The following MMUT variants were observed in gnomAD, a reference collection of about 807,000 sequenced individuals.
MMUT encodes the protein methylmalonyl-CoA mutase, mitochondrial.
A neutral mutation model predicts 79.9 loss-of-function variants in MMUT; 79 were observed. The ratio of observed to expected loss-of-function variants is 0.99; its 90% CI spans 0.82 to 1.19. The LOEUF (loss-of-function observed/expected upper bound fraction) is 1.19, where lower values mean the gene tolerates loss of function less well. Ranked by LOEUF, MMUT falls within the 50% of genes most tolerant of loss-of-function variation. The pLI, the probability that MMUT is intolerant of heterozygous loss-of-function variation, is 0.00. For missense variants in MMUT, 860 were observed against 917.2 expected (o/e 0.94, Z 0.81); for synonymous variants, 273 against 295.7 (o/e 0.92, Z 0.79).
chr6:49,459,066 T>A lies in MMUT; in HGVS notation c.385+16A>T. The A allele has an allele frequency of 6.2e-7, 1 of 1,611,238 alleles. No homozygotes were observed. Among genetic ancestry groups the A allele is most frequent in the East Asian group, 2.2e-5 (1 of 44,864 alleles). ...ATGACTTATCATAAATATTATGTCTTACATTAAAATCTCACCCTTAATGTT... is the reference window on the plus strand; with the variant it reads ...ATGACTTATCATAAATATTATGTCTAACATTAAAATCTCACCCTTAATGTT... On this transcript the variant is annotated intron_variant, in intron 2 of 12. Coordinates refer to ENST00000274813, the MANE Select transcript of MMUT (RefSeq NM_000255.4).
intron 4 of MMUT, 152 bp from the exon 5 acceptor site, chr6:49,453,908 G>A: frequency 1.5e-6 from 1 of 645,196 alleles, no homozygotes; most frequent in Non-Finnish European, 2.5e-6. Flanking sequence ...GTACATTTAT[G>A]TAACTTTAAA....
chr6:49,441,682 T>G (rs1055721759), intron 10 of MMUT, among the ~76,000 whole-genome samples, 158 bp downstream of exon 10: 2 of 148,756 alleles, frequency 1.3e-5, no homozygotes, highest in African/African-American at 4.9e-5. Flanking sequence ...TATTATATGT[T>G]ATATAGTCTA....
At chr6:49,441,106 T>A (rs989932325) in intron 10 of MMUT, among the ~76,000 whole-genome samples, 4 of 152,204 alleles carry the variant, frequency 2.6e-5, no homozygotes, top group African/African-American at 9.6e-5. Flanking sequence ...TTGATATTTA[T>A]CTAGTGTACA....
intron 7 of MMUT, among the ~76,000 whole-genome samples, chr6:49,448,338 T>G (rs139780959): frequency 3.7e-3 from 557 of 152,220 alleles, no homozygotes; most frequent in African/African-American, 0.013. Flanking sequence ...GCACTTATCA[T>G]GATCTATAAT....
At chr6:49,439,972 C>A (rs991346517) in intron 11 of MMUT, among the ~76,000 whole-genome samples, 2 of 152,180 alleles carry the variant, frequency 1.3e-5, no homozygotes, top group Non-Finnish European at 2.9e-5. Flanking sequence ...AGTTAATAAA[C>A]CCCTGCAGTA....
rs755553945 is a variant in MMUT at position 49,448,850 on chromosome 6, T to C, written c.1410A>G (p.Glu470=). ...TTCTAGCTTGTCTTCGGGCAGCACATTCTTCAATTCGAAGTTTAGGTATTC... is the reference window on the plus strand; with the variant it reads ...TTCTAGCTTGTCTTCGGGCAGCACACTCTTCAATTCGAAGTTTAGGTATTC... ...AEGIPKLRIE[E]CAARRQARID... The change falls in exon 7 of 13, where the codon GAA becomes GAG. Residue 470 remains glutamate, a synonymous_variant. Coordinates refer to ENST00000274813, the MANE Select transcript of MMUT (RefSeq NM_000255.4). 5.0e-6 allele frequency: 8 copies of C among 1,613,510 alleles called. No homozygotes were observed. The Admixed American group carries it at 5.0e-5, about 10-fold the overall frequency.
chr6:49,457,574 C>T, intron 3 of MMUT, 117 bp downstream of exon 3: 1 of 909,588 alleles, frequency 1.1e-6, no homozygotes, highest in Non-Finnish European at 1.6e-6. Flanking sequence ...GTAACAATAA[C>T]AAAACATTCT....
intron 4 of MMUT, among the ~76,000 whole-genome samples, chr6:49,454,133 T>C (rs1767629099): frequency 6.6e-6 from 1 of 152,228 alleles, no homozygotes; most frequent in South Asian, 2.1e-4. Context: ...ATTTGCTTTG[T>C]TTAGCCAGAA....
At chr6:49,440,391 T>C (rs1288299677) in intron 10 of MMUT, 38 bp from the exon 11 acceptor site, 2 of 1,598,562 alleles carry the variant, frequency 1.3e-6, no homozygotes, top group South Asian at 1.1e-5. Flanking sequence ...AGTTAGATAC[T>C]AATTTTCCAA....
intron 3 of MMUT, among the ~76,000 whole-genome samples, chr6:49,456,983 C>T (rs1257434633): frequency 6.6e-6 from 1 of 152,170 alleles, no homozygotes; most frequent in Non-Finnish European, 1.5e-5. Context: ...GTTAACCAAA[C>T]ATAAAATGCT....
At chr6:49,438,964 C>T (rs760129349) in intron 11 of MMUT, among the ~76,000 whole-genome samples, 25 of 151,974 alleles carry the variant, frequency 1.6e-4, no homozygotes, top group Non-Finnish European at 2.8e-4. Flanking sequence ...TATTGTGGGA[C>T]CTTGTGATCA....
intron 5 of MMUT, among the ~76,000 whole-genome samples, chr6:49,453,059 T>TTTTTTTTTTTTTTTTTTTG (rs398048522): frequency 2.9e-5 from 4 of 138,984 alleles, no homozygotes; most frequent in East Asian, 2.1e-4. Flanking sequence ...TTTTTTTTTT[T>TTTTTTTTTTTTTTTTTTTG]AGACGTAGTT....
rs777169651 is a variant in MMUT at position 49,453,636 on chromosome 6, A to G, written c.1032T>C (p.Ser344=). 3 of 1,612,906 alleles carry G rather than the reference A, an allele frequency of 1.9e-6. No homozygotes were observed. The South Asian group carries it at 3.3e-5, about 18-fold the overall frequency. ...TCTGACAGTGTGCTCTTAGAAGAAG[A>G]GATTTTGAGTTTTTAGGCTGAAACA... ...EKMFQPKNSK[S]LLLRAHCQTS... Residue 344 remains serine (S), a synonymous_variant, in exon 5 of 13, where the codon TCT becomes TCC. Transcript: ENST00000274813.
chr6:49,434,220 A>G (rs1179600380), intron 12 of MMUT, among the ~76,000 whole-genome samples: 1 of 152,210 alleles, frequency 6.6e-6, no homozygotes, highest in Non-Finnish European at 1.5e-5. Context: ...TATTTTCTCA[A>G]ATAATGACCT....
Position 49,449,020 on chromosome 6 carries a change from AT to A in MMUT, c.1333-94del, listed in dbSNP as rs11323898. On this transcript the variant is annotated intron_variant, in intron 6 of 12. Transcript: ENST00000274813. Reference sequence around the variant, plus strand: ...TTATGAGTGTTATATAATTACTAATATTAATAAAATTATAAACTAAATGTTA... The same window carrying A: ...TTATGAGTGTTATATAATTACTAATATAATAAAATTATAAACTAAATGTTA... 4.9e-3 allele frequency: 3,057 copies of A among 628,270 alleles called. 63 individuals carry two copies. Among genetic ancestry groups the A allele is most frequent in the African/African-American group, 0.047 (2,480 of 53,016 alleles). The allele number at this position is 628,270 out of a possible 1,614,324, so 38.9% of individuals were successfully genotyped here. A position where few individuals can be genotyped will look rare whatever the true frequency, so the allele number is the denominator to read the frequency against.
Position 49,441,869 on chromosome 6 carries a change from T to C in MMUT, c.1779A>G (p.Glu593=). ...VSGAYRQEFG[E]SKEITSAIKR... ...TGATAGCAGATGTTATCTCTTTACTTTCTCCAAATTCCTGGCGATATGCTC... is the reference window on the plus strand; with the variant it reads ...TGATAGCAGATGTTATCTCTTTACTCTCTCCAAATTCCTGGCGATATGCTC... The change falls in exon 10 of 13, where the codon GAA becomes GAG. Residue 593 remains glutamate (E), a synonymous_variant. Coordinates refer to ENST00000274813, the MANE Select transcript of MMUT (RefSeq NM_000255.4). The C allele has an allele frequency of 6.2e-7, 1 of 1,611,982 alleles. No homozygotes were observed. Among genetic ancestry groups the C allele is most frequent in the South Asian group, 1.1e-5 (1 of 91,022 alleles).
Position 49,448,804 on chromosome 6 carries a change from T to G in MMUT, c.1444+12A>C. On this transcript the variant is annotated intron_variant, in intron 7 of 12. Coordinates refer to ENST00000274813, the MANE Select transcript of MMUT (RefSeq NM_000255.4). ...TACTGGATTTCATATATGAACTTTC[T>G]CACTATCTTACCAGAATCTATTCTA... The G allele has an allele frequency of 1.3e-6, 2 of 1,585,052 alleles. No individual in the cohort carries two copies. The highest frequency in any genetic ancestry group is 1.7e-6 in the Non-Finnish European group (2 of 1,153,738).
rs542038574 is a variant in MMUT at position 49,453,769 on chromosome 6, C to T, written c.912-13G>A. ...GAAGAAAGACAACCTAAAATAGTAA[C>T]GTTAGGTCCAGAATTTAATTAAAGT... On this transcript the variant is annotated splice_polypyrimidine_tract_variant and intron_variant, in intron 4 of 12. Coordinates refer to ENST00000274813, the MANE Select transcript of MMUT (RefSeq NM_000255.4). 6.0e-5 allele frequency: 96 copies of T among 1,601,288 alleles called. 1 individual carries two copies. In the East Asian group the frequency reaches 7.6e-4, roughly 13 times the overall value.
At chr6:49,456,271 G>A (rs1445689981) in intron 3 of MMUT, 34 bp from the exon 4 acceptor site, 3 of 1,445,430 alleles carry the variant, frequency 2.1e-6, no homozygotes, top group Non-Finnish European at 2.9e-6. Flanking sequence ...CAGTGAATAA[G>A]TAAAAATATT....
Sources: gnomAD v4.1 joint callset for allele counts (sites outside exome capture counted in the v4.1 genomes callset) on GRCh38, gnomAD v4.1.1 for gene constraint, MANE v1.5 for transcripts, NCBI Gene and HGNC (gene_info 2026-07-23, HGNC 2026-07-21) for gene names.